OCM: variants seen among roughly 807,000 people sequenced by gnomAD.
OCM encodes the protein oncomodulin-1.
OCM carries 18 observed loss-of-function variants against 14.1 expected under a neutral mutation model. The ratio of observed to expected loss-of-function variants is 1.28; its 90% confidence interval spans 0.88 to 1.89. The LOEUF (loss-of-function observed/expected upper bound fraction) is 1.89, where lower values mean the gene tolerates loss of function less well. OCM is among the 40% of genes most tolerant of loss of function. The pLI is 0.00. For synonymous variants in OCM, 48 were observed against 51.0 expected, an observed-to-expected ratio of 0.94 and a Z score of 0.25; for missense variants, 140 against 137.6, an observed-to-expected ratio of 1.02 and a Z score of -0.09.
upstream of OCM, among the ~76,000 whole-genome samples, chr7:5,876,697 G>A (rs1013722783): frequency 2.0e-5 from 3 of 152,116 alleles, no homozygotes; most frequent in Non-Finnish European, 2.9e-5. Flanking sequence ...ACACTAGGGC[G>A]TATACCATCC....
upstream of OCM, among the ~76,000 whole-genome samples, chr7:5,878,081 C>G (rs907014136): frequency 1.1e-4 from 17 of 151,070 alleles, no homozygotes; most frequent in Non-Finnish European, 2.5e-4. Context: ...AGTGATTCTC[C>G]TGCCTCAGCC....
At chr7:5,883,466 G>T (rs1178279856) in intron 2 of OCM, among the ~76,000 whole-genome samples, 1 of 152,120 alleles carries the variant, frequency 6.6e-6, no homozygotes, top group Non-Finnish European at 1.5e-5. Context: ...GATTGCTTGA[G>T]TGAGCCCAGG....
At chr7:5,877,976 CTTTTTTT>C (rs35122064), upstream of OCM, among the ~76,000 whole-genome samples, 2 of 145,044 alleles carry the variant, frequency 1.4e-5, no homozygotes, top group African/African-American at 5.1e-5. Flanking sequence ...CAGTCAAACT[CTTTTTTT>C]TTTTTGAGGC....
chr7:5,867,507 T>G, the OCM span, among the ~76,000 whole-genome samples: 72 of 152,224 alleles, frequency 4.7e-4, no homozygotes, highest in Non-Finnish European at 2.5e-4. Context: ...TTTCTGGAGG[T>G]TCATTGAGCT....
chr7:5,861,557 A>G, the OCM span, among the ~76,000 whole-genome samples: 1 of 152,186 alleles, frequency 6.6e-6, no homozygotes, highest in African/African-American at 2.4e-5. Context: ...GAGCGGAAGG[A>G]GAGCCAAGAG....
the OCM span, among the ~76,000 whole-genome samples, chr7:5,871,520 A>G: frequency 1.3e-5 from 2 of 152,062 alleles, no homozygotes; most frequent in Non-Finnish European, 2.9e-5. Flanking sequence ...CACGGGGATA[A>G]TAATATTTCA....
At chr7:5,861,898 A>T in the OCM span, among the ~76,000 whole-genome samples, 3 of 151,786 alleles carry the variant, frequency 2.0e-5, no homozygotes, top group Non-Finnish European at 2.9e-5. Flanking sequence ...ATTTAAAAAA[A>T]TTTTTTTAGA....
At chr7:5,871,406 C>T in the OCM span, among the ~76,000 whole-genome samples, 1 of 151,606 alleles carries the variant, frequency 6.6e-6, no homozygotes, top group Non-Finnish European at 1.5e-5. Context: ...GTTGCCTAGG[C>T]TGGTCTTAAA....
chr7:5,875,522 G>T (rs756225559), upstream of OCM, among the ~76,000 whole-genome samples: 2 of 151,978 alleles, frequency 1.3e-5, no homozygotes, highest in Non-Finnish European at 2.9e-5. Flanking sequence ...CACCCTGGCT[G>T]GTCTCGAATT....
chr7:5,862,206 C>G, the OCM span, among the ~76,000 whole-genome samples: 3 of 152,182 alleles, frequency 2.0e-5, no homozygotes. Context: ...GGTAAATTCT[C>G]AGGACCCCAA....
the OCM span, among the ~76,000 whole-genome samples, chr7:5,866,990 T>C: frequency 6.6e-6 from 1 of 152,196 alleles, no homozygotes; most frequent in Non-Finnish European, 1.5e-5. Flanking sequence ...TATTTTTCCA[T>C]ATCATTAAGT....
upstream of OCM, among the ~76,000 whole-genome samples, chr7:5,877,977 T>TC (rs1774262165): frequency 5.0e-5 from 1 of 19,868 alleles, no homozygotes; most frequent in African/African-American, 4.5e-4. Flanking sequence ...AGTCAAACTC[T>TC]TTTTTTTTTT....
chr7:5,866,410 G>T, the OCM span, among the ~76,000 whole-genome samples: 408 of 94,808 alleles, frequency 4.3e-3, 4 homozygotes, highest in African/African-American at 0.019. Context: ...AGAAGGAAGG[G>T]GGGGAGAGAA....
chr7:5,870,824 G>A, the OCM span, among the ~76,000 whole-genome samples: 1 of 152,196 alleles, frequency 6.6e-6, no homozygotes, highest in African/African-American at 2.4e-5. Flanking sequence ...CACTCAAATT[G>A]ACATACAAAA....
the OCM span, among the ~76,000 whole-genome samples, chr7:5,873,439 C>T: frequency 6.6e-6 from 1 of 151,986 alleles, no homozygotes; most frequent in African/African-American, 2.4e-5. Context: ...TGGTACATGC[C>T]TGTAGTCCCA....
At chr7:5,868,639 C>T in the OCM span, among the ~76,000 whole-genome samples, 1 of 152,154 alleles carries the variant, frequency 6.6e-6, no homozygotes, top group African/African-American at 2.4e-5. Context: ...TTGTCCTCTC[C>T]TGCAGCATTT....
At chr7:5,873,437 G>A in the OCM span, among the ~76,000 whole-genome samples, 2 of 152,020 alleles carry the variant, frequency 1.3e-5, no homozygotes, top group East Asian at 3.9e-4. Context: ...GGTGGTACAT[G>A]CCTGTAGTCC....
At chr7:5,862,240 C>G in the OCM span, among the ~76,000 whole-genome samples, 2 of 152,154 alleles carry the variant, frequency 1.3e-5, no homozygotes, top group African/African-American at 2.4e-5. Context: ...AAGAGAAAGT[C>G]AAGCTTGGAA....
chr7:5,874,278 A>G, the OCM span, among the ~76,000 whole-genome samples: 7 of 142,690 alleles, frequency 4.9e-5, no homozygotes, highest in African/African-American at 1.8e-4. Flanking sequence ...TCTTCCTCCT[A>G]TTCTTTCCTG....
Sources: allele counts gnomAD v4.1 joint callset (sites outside exome capture counted in the v4.1 genomes callset), GRCh38; gene constraint gnomAD v4.1.1; transcripts MANE v1.5; gene names NCBI Gene and HGNC (gene_info 2026-07-23, HGNC 2026-07-21).